The following LRP12 variants were observed in gnomAD, a reference collection of about 807,000 sequenced individuals.
LRP12 encodes the protein low-density lipoprotein receptor-related protein 12.
LRP12 carries 14 observed loss-of-function variants against 66.0 expected under a neutral mutation model. The observed-to-expected ratio is 0.21, with a 90% CI of 0.14 to 0.33. The LOEUF (loss-of-function observed/expected upper bound fraction) is 0.33. Among genes scored for constraint, LRP12 ranks in the 10% least tolerant of loss-of-function variants. The pLI, the probability that LRP12 is intolerant of heterozygous loss-of-function variation, is 1.00. For synonymous variants in LRP12, 357 were observed against 359.1 expected (o/e 0.99, Z 0.07); for missense variants, 889 against 1,053.4 (o/e 0.84, Z 2.16).
At chr8:104,496,601 T>C (rs867055486) in intron 5 of LRP12, among the ~76,000 whole-genome samples, 11 of 152,240 alleles carry the variant, frequency 7.2e-5, no homozygotes, top group African/African-American at 2.4e-4. Context: ...TATTCATTTT[T>C]CTATTTACCT....
chr8:104,532,315 G>A (rs1026724432), intron 1 of LRP12, among the ~76,000 whole-genome samples: 14 of 150,758 alleles, frequency 9.3e-5, no homozygotes, highest in African/African-American at 3.2e-4. Context: ...CCCTAAAAGC[G>A]TGTCCAAATC....
At chr8:104,586,391 T>C (rs954634049) in intron 1 of LRP12, among the ~76,000 whole-genome samples, 6 of 152,234 alleles carry the variant, frequency 3.9e-5, no homozygotes, top group African/African-American at 1.2e-4. Context: ...AGAATTAATA[T>C]TGGAGTTCCC....
chr8:104,507,083 T>A (rs938829726), intron 3 of LRP12: 1 of 152,198 alleles, frequency 6.6e-6, no homozygotes, highest in Non-Finnish European at 1.5e-5. Context: ...ACTGACTCAT[T>A]TGTATGTCTA....
intron 3 of LRP12, among the ~76,000 whole-genome samples, chr8:104,500,951 T>C (rs964607850): frequency 6.6e-6 from 1 of 152,242 alleles, no homozygotes; most frequent in African/African-American, 2.4e-5. Context: ...ATTCTATTTT[T>C]AAAAATGTTT....
chr8:104,571,260 A>G (rs533598275), intron 1 of LRP12, among the ~76,000 whole-genome samples: 1 of 152,306 alleles, frequency 6.6e-6, no homozygotes, highest in African/African-American at 2.4e-5. Flanking sequence ...GCTGCAGACC[A>G]GTAATGGGCC....
chr8:104,494,992 G>T, intron 6 of LRP12, 85 bp downstream of exon 6: 1 of 1,262,124 alleles, frequency 7.9e-7, no homozygotes, highest in Non-Finnish European at 1.1e-6. Flanking sequence ...AATTCTGACA[G>T]TCAAGGGTCT....
Position 104,548,934 on chromosome 8 carries a change from G to A in LRP12, c.80-16971C>T, listed in dbSNP as rs546212993. ...GCCTGGACAACAAGAGCAAAACTCCGTCAAAAATAAATAAATAAATAAATA... is the reference window on the plus strand; with the variant it reads ...GCCTGGACAACAAGAGCAAAACTCCATCAAAAATAAATAAATAAATAAATA... On this transcript the variant is annotated intron_variant, in intron 1 of 6. Transcript: ENST00000276654. Among the ~76,000 whole-genome samples the A allele has an allele frequency of 6.5e-4, 95 of 145,356 alleles. 1 individual carries two copies. Among genetic ancestry groups the A allele is most frequent in the African/African-American group, 2.4e-3 (84 of 35,462 alleles).
chr8:104,571,450 G>C (rs1255445432), intron 1 of LRP12, among the ~76,000 whole-genome samples: 5 of 152,126 alleles, frequency 3.3e-5, no homozygotes, highest in Non-Finnish European at 5.9e-5. Context: ...GAATCATGGG[G>C]GTGGTTTCCT....
In LRP12 at chr8:104,531,927, T is replaced by C. The variant is rs1454549753; in HGVS notation, c.116A>G (p.His39Arg). 2 of 1,593,856 alleles carry C rather than the reference T, an allele frequency of 1.3e-6. No individual in the cohort carries two copies. The highest frequency in any genetic ancestry group is 1.7e-6 in the Non-Finnish European group (2 of 1,170,960). ...CTTACCAGTTGACACTCCTGAAATA[T>C]GCACATTTTCAGAATGTTCTGCAAG... Reference protein sequence around the residue: ...GALAEHSENVHISGVSTACGE... With the variant: ...GALAEHSENVRISGVSTACGE... Residue 39 changes from histidine to arginine, a missense_variant, in exon 2 of 7, where the codon CAT (histidine) becomes CGT (arginine). By Grantham distance (29) the His-to-Arg change is conservative (BLOSUM62 0). Around this residue, in one of 3 missense-constraint regions of LRP12, gnomAD observed 88 missense variants for 72.5 expected, o/e 1.21. Coordinates refer to ENST00000276654, the MANE Select transcript of LRP12 (RefSeq NM_013437.5).
At position 104,547,561 on chromosome 8, in the gene LRP12, A is replaced by C. The variant is rs1232710890; in HGVS notation, c.80-15598T>G. Among the ~76,000 whole-genome samples the C allele has an allele frequency of 3.2e-5, 4 of 126,768 alleles. No individual in the cohort carries two copies. In the East Asian group the frequency reaches 8.8e-4, roughly 28 times the overall value. 83.2% of individuals were successfully genotyped at this position (126,768 alleles called of 152,430 possible). A position where few individuals can be genotyped will look rare whatever the true frequency, so the allele number is the denominator to read the frequency against. On this transcript the variant is annotated intron_variant, in intron 1 of 6. Coordinates refer to ENST00000276654, the MANE Select transcript of LRP12 (RefSeq NM_013437.5). ...TATATAATATATAATTACATATTAT[A>C]TATTAATAATTATTATATATTAATA...
At chr8:104,531,755 T>G (rs1237930037) in intron 2 of LRP12, 152 bp downstream of exon 2, 2 of 559,958 alleles carry the variant, frequency 3.6e-6, no homozygotes, top group African/African-American at 4.0e-5. Context: ...TGAGAATTTC[T>G]CCATGTTCCA....
At position 104,532,307 on chromosome 8, in the gene LRP12, C is replaced by T. The variant is rs192687604; in HGVS notation, c.80-344G>A. Among the ~76,000 whole-genome samples the T allele has an allele frequency of 7.3e-5, 11 of 151,656 alleles. No individual in the cohort carries two copies. The East Asian group carries it at 2.1e-3, about 29-fold the overall frequency. On this transcript the variant is annotated intron_variant, in intron 1 of 6. Coordinates refer to ENST00000276654, the MANE Select transcript of LRP12 (RefSeq NM_013437.5). ...ACAGCTTGTTAAAAATAGCATTCCC[C>T]TAAAAGCGTGTCCAAATCAGCCACA...
chr8:104,581,407 T>C (rs887046712), intron 1 of LRP12, among the ~76,000 whole-genome samples: 1 of 152,154 alleles, frequency 6.6e-6, no homozygotes, highest in Admixed American at 6.5e-5. Flanking sequence ...TGAAATAATC[T>C]GTACAACAAA....
rs893694859 is a variant in LRP12, at chr8:104,589,232, C to G, written c.-335G>C. ...GGACTCCGGCCTCGCGCCGCTCGGGCTAGCCGGCGCCGCCACTCGCCAGAC... is the reference window on the plus strand; with the variant it reads ...GGACTCCGGCCTCGCGCCGCTCGGGGTAGCCGGCGCCGCCACTCGCCAGAC... On this transcript the variant is annotated 5_prime_UTR_variant, in exon 1 of 7. Coordinates refer to ENST00000276654, the MANE Select transcript of LRP12 (RefSeq NM_013437.5). Among the ~76,000 whole-genome samples the G allele has an allele frequency of 1.4e-4, 22 of 151,734 alleles. No homozygotes were observed. Among genetic ancestry groups the G allele is most frequent in the African/African-American group, 4.1e-4 (17 of 41,472 alleles).
At chr8:104,513,617 G>T (rs1044064609) in intron 2 of LRP12, among the ~76,000 whole-genome samples, 2 of 152,080 alleles carry the variant, frequency 1.3e-5, no homozygotes, top group Non-Finnish European at 2.9e-5. Flanking sequence ...TCTTTCTGGA[G>T]CACCTGACAC....
chr8:104,548,642 A>T lies in LRP12; in HGVS notation c.80-16679T>A, dbSNP rs903406431. 3.4e-5 allele frequency among the ~76,000 whole-genome samples: 4 copies of T among 115,942 alleles called. 1 individual carries two copies. Among genetic ancestry groups the T allele is most frequent in the South Asian group, 5.3e-4 (2 of 3,804 alleles). 76.1% of individuals were successfully genotyped at this position (115,942 alleles called of 152,430 possible). ...AATTATATAATTATTATATAATTAA[A>T]TTAATTATATAATTATTATATAATT... On this transcript the variant is annotated intron_variant, in intron 1 of 6. Coordinates refer to ENST00000276654, the MANE Select transcript of LRP12 (RefSeq NM_013437.5).
intron 1 of LRP12, among the ~76,000 whole-genome samples, chr8:104,580,457 G>A (rs868713009): frequency 1.3e-5 from 2 of 151,326 alleles, no homozygotes; most frequent in East Asian, 1.9e-4. Flanking sequence ...ATGAACCCGC[G>A]AGGCGGGGCT....
chr8:104,518,024 A>T (rs17174796), intron 2 of LRP12, among the ~76,000 whole-genome samples: 1,527 of 152,258 alleles, frequency 0.01, 16 homozygotes, highest in Middle Eastern at 0.038. Context: ...GATTAGCATA[A>T]AAATCAGGTA....
At chr8:104,580,359 A>T (rs1227723184) in intron 1 of LRP12, among the ~76,000 whole-genome samples, 2 of 84,052 alleles carry the variant, frequency 2.4e-5, no homozygotes, top group Non-Finnish European at 5.5e-5. Flanking sequence ...TACTAAAAAT[A>T]AAAAAAAAAA....
Sources: gnomAD v4.1 joint callset for allele counts (sites outside exome capture counted in the v4.1 genomes callset) on GRCh38, gnomAD v4.1.1 for gene constraint, gnomAD v4.1.1 regional missense constraint, MANE v1.5 for transcripts, NCBI Gene and HGNC (gene_info 2026-07-23, HGNC 2026-07-21) for gene names.